Variants in ADAMTS14 observed in about 807,000 individuals in gnomAD.
The protein encoded by ADAMTS14 is ADAM metallopeptidase with thrombospondin type 1 motif 14, also known as A disintegrin and metalloproteinase with thrombospondin motifs 14.
In ADAMTS14, 100 loss-of-function variants were observed where a neutral mutation model predicts 128.6. The ratio of observed to expected loss-of-function variants is 0.78; its 90% CI spans 0.66 to 0.92. The LOEUF is 0.92. ADAMTS14 is among the 40% of genes least tolerant of loss of function. The pLI is 0.00. For synonymous variants in ADAMTS14, 665 were observed against 653.8 expected, an observed-to-expected ratio of 1.02 and a Z score of -0.26; for missense variants, 1,562 against 1,658.6, an observed-to-expected ratio of 0.94 and a Z score of 1.01.
At chr10:70,741,235 C>CCT (rs892333885) in intron 12 of ADAMTS14, 73 bp downstream of exon 12, 1 of 1,519,948 alleles carries the variant, frequency 6.6e-7, no homozygotes, top group Admixed American at 1.8e-5. Flanking sequence ...CCAGGCAGGG[C>CCT]CTCCTACCCC....
In ADAMTS14 at chr10:70,745,228, G is replaced by C; in HGVS notation, c.2185G>C (p.Ala729Pro). The change falls in exon 15 of 22, where the codon GCT (alanine) becomes CCT (proline). Residue 729 changes from alanine to proline, a missense_variant and splice_region_variant. Coordinates refer to ENST00000373207, the MANE Select transcript of ADAMTS14 (RefSeq NM_080722.4). ...TLGKASKQAG[A>P]LKLVQIPAGA... ...TTCTGGATCCCTGTGTGTGGCAGGA[G>C]CTCTCAAGCTGGTGCAGATCCCAGC... 1.9e-6 allele frequency: 3 copies of C among 1,611,434 alleles called. No individual in the cohort carries two copies. The highest frequency in any genetic ancestry group is 1.7e-6 in the Non-Finnish European group (2 of 1,179,566).
intron 4 of ADAMTS14, among the ~76,000 whole-genome samples, chr10:70,709,279 CAAGGAA>C (rs1840763464): frequency 6.6e-6 from 1 of 152,058 alleles, no homozygotes; most frequent in Non-Finnish European, 1.5e-5. Flanking sequence ...CACAGACAGG[CAAGGAA>C]AATCAGGGAT....
Position 70,760,428 on chromosome 10 carries a change from C to A in ADAMTS14, c.3247C>A (p.Pro1083Thr). ...MEVLDRYCSI[P>T]GYHRLCCVSC... is the part of the protein sequence containing the mutation. ...AGTGCTCGATCGCTACTGCTCCATT[C>A]CCGGCTACCACCGGCTCTGCTGTGT... Residue 1083 changes from proline (P) to threonine (T), a missense_variant, in exon 22 of 22, where the codon CCC (proline) becomes ACC (threonine). Physicochemically the swap from Pro to Thr is conservative, Grantham distance 38. Transcript: ENST00000373207. The A allele has an allele frequency of 6.2e-7, 1 of 1,612,680 alleles. No homozygotes were observed. The highest frequency in any genetic ancestry group is 8.5e-7 in the Non-Finnish European group (1 of 1,179,634).
intron 19 of ADAMTS14, among the ~76,000 whole-genome samples, chr10:70,754,486 G>GT (rs1395276045): frequency 6.6e-6 from 1 of 152,158 alleles, no homozygotes; most frequent in East Asian, 1.9e-4. Context: ...GGTCGATGTG[G>GT]TGGAGGATGG....
rs190550756 is a variant in ADAMTS14, at chr10:70,733,127, C to T, written c.1209-758C>T. ...CTCCTCCAGGCAGGTGGGACCTCCTCTCCACACCTGCAACATGGGGCTGAC... is the reference window on the plus strand; with the variant it reads ...CTCCTCCAGGCAGGTGGGACCTCCTTTCCACACCTGCAACATGGGGCTGAC... On this transcript the variant is annotated intron_variant, in intron 7 of 21. Coordinates refer to ENST00000373207, the MANE Select transcript of ADAMTS14 (RefSeq NM_080722.4). 3.6e-3 allele frequency among the ~76,000 whole-genome samples: 551 copies of T among 152,326 alleles called. 4 individuals carry two copies. The highest frequency in any genetic ancestry group is 0.013 in the African/African-American group (530 of 41,572).
chr10:70,676,689 G>A (rs1052379539), intron 2 of ADAMTS14, among the ~76,000 whole-genome samples: 8 of 152,218 alleles, frequency 5.3e-5, no homozygotes, highest in Admixed American at 1.3e-4. Flanking sequence ...AGCCTCTGCC[G>A]CCAGCCCACT....
chr10:70,675,933 A>G (rs1054325023), intron 2 of ADAMTS14, among the ~76,000 whole-genome samples: 2 of 152,088 alleles, frequency 1.3e-5, no homozygotes, highest in African/African-American at 4.8e-5. Flanking sequence ...AAAATTTGAG[A>G]TGGGGAGGGG....
At chr10:70,727,858 G>T (rs1204216176) in intron 4 of ADAMTS14, among the ~76,000 whole-genome samples, 1 of 152,220 alleles carries the variant, frequency 6.6e-6, no homozygotes. Context: ...CACTTTGGGA[G>T]GCTGAGGCGG....
intron 4 of ADAMTS14, among the ~76,000 whole-genome samples, chr10:70,710,922 T>A (rs1327571589): frequency 6.6e-6 from 1 of 152,110 alleles, no homozygotes; most frequent in Non-Finnish European, 1.5e-5. Context: ...TTGGAAACAT[T>A]GGTAGGGCGC....
At chr10:70,677,455 CTG>C (rs1839679924) in intron 2 of ADAMTS14, among the ~76,000 whole-genome samples, 2 of 152,264 alleles carry the variant, frequency 1.3e-5, no homozygotes, top group African/African-American at 4.8e-5. Flanking sequence ...GGAATCGATT[CTG>C]TGTGGCATTT....
At chr10:70,706,429 G>A (rs145639134) in intron 3 of ADAMTS14, among the ~76,000 whole-genome samples, 4 of 152,364 alleles carry the variant, frequency 2.6e-5, no homozygotes, top group African/African-American at 9.6e-5. Flanking sequence ...CACAGCCCAT[G>A]CGTTGGGAGT....
rs555272879 is a variant in ADAMTS14 at position 70,686,291 on chromosome 10, T to A, written c.522+11296T>A. Among the ~76,000 whole-genome samples, 17 of 140,132 alleles carry A rather than the reference T, an allele frequency of 1.2e-4. No individual in the cohort carries two copies. In the East Asian group the frequency reaches 1.7e-3, roughly 14 times the overall value. 91.9% of individuals were successfully genotyped at this position (140,132 alleles called of 152,430 possible). ...AGCCTTTGCTTTTTTTTTTTTTTTT[T>A]AATTTATTTTTTTATTGATAATTCT... On this transcript the variant is annotated intron_variant, in intron 2 of 21. Transcript: ENST00000373207.
At chr10:70,710,897 G>A (rs1020712972) in intron 4 of ADAMTS14, among the ~76,000 whole-genome samples, 28 of 152,198 alleles carry the variant, frequency 1.8e-4, no homozygotes, top group African/African-American at 6.5e-4. Context: ...TCAACCCCAC[G>A]TCATGTCAGT....
intron 2 of ADAMTS14, among the ~76,000 whole-genome samples, chr10:70,683,337 C>T (rs549707788): frequency 1.4e-4 from 21 of 152,320 alleles, no homozygotes; most frequent in African/African-American, 5.1e-4. Flanking sequence ...ATACTGGGTA[C>T]CTCTCGGCAA....
At chr10:70,703,197 A>G (rs543706173) in intron 3 of ADAMTS14, among the ~76,000 whole-genome samples, 1 of 152,324 alleles carries the variant, frequency 6.6e-6, no homozygotes, top group African/African-American at 2.4e-5. Flanking sequence ...CGACCAGTGC[A>G]GGAGGCTACA....
chr10:70,740,544 A>G (rs953941392), intron 11 of ADAMTS14, among the ~76,000 whole-genome samples: 4 of 151,962 alleles, frequency 2.6e-5, no homozygotes, highest in African/African-American at 7.3e-5. Context: ...TTCTTTTACC[A>G]CTCCTTAGTT....
intron 7 of ADAMTS14, among the ~76,000 whole-genome samples, chr10:70,733,079 T>C (rs542780845): frequency 2.0e-5 from 3 of 152,082 alleles, no homozygotes; most frequent in African/African-American, 7.2e-5. Flanking sequence ...CCATCAGCCC[T>C]GTTAGATTTT....
chr10:70,735,223 A>G lies in ADAMTS14; in HGVS notation c.1407A>G (p.Pro469=), dbSNP rs780137633. Residue 469 remains proline (P), a synonymous_variant, in exon 9 of 22, where the codon CCA becomes CCG. Coordinates refer to ENST00000373207, the MANE Select transcript of ADAMTS14 (RefSeq NM_080722.4). The part of the protein sequence containing the change: ...DPFDPAWPQP[P]ELPGINYSMD... ...TTGATCCTGCCTGGCCCCAGCCCCC[A>G]GAGCTGCCTGGGATCAACTACTCAA... 1.4e-5 allele frequency: 23 copies of G among 1,613,812 alleles called. No individual in the cohort carries two copies. The highest frequency in any genetic ancestry group is 1.8e-5 in the Non-Finnish European group (21 of 1,179,920).
intron 16 of ADAMTS14, among the ~76,000 whole-genome samples, chr10:70,751,029 G>T (rs1374212602): frequency 2.0e-5 from 3 of 152,206 alleles, no homozygotes; most frequent in Admixed American, 2.0e-4. Context: ...TGCATCAAAA[G>T]ACATTATCAA....
Sources: gnomAD v4.1 joint callset for allele counts (sites outside exome capture counted in the v4.1 genomes callset) on GRCh38, gnomAD v4.1.1 for gene constraint, MANE v1.5 for transcripts, NCBI Gene and HGNC (gene_info 2026-07-23, HGNC 2026-07-21) for gene names.